Variants in CACNA2D1 observed in about 807,000 individuals in gnomAD.
CACNA2D1 encodes calcium voltage-gated channel auxiliary subunit alpha2delta 1.
A neutral mutation model predicts 171.5 loss-of-function variants in CACNA2D1; 53 were observed. The ratio of observed to expected loss-of-function variants is 0.31; its 90% CI spans 0.25 to 0.39. The LOEUF is 0.39. Ranked by LOEUF, CACNA2D1 falls within the 10% of genes least tolerant of loss-of-function variation. The pLI, the probability that CACNA2D1 is intolerant of heterozygous loss-of-function variation, is 1.00. For missense variants in CACNA2D1, 903 were observed against 1,299.8 expected, an observed-to-expected ratio of 0.69 and a Z score of 4.69; for synonymous variants, 442 against 443.1, an observed-to-expected ratio of 1.00 and a Z score of 0.03.
chr7:81,994,999 A>G (rs1797893448), intron 19 of CACNA2D1, 60 bp from the exon 20 acceptor site: 3 of 820,762 alleles, frequency 3.7e-6, no homozygotes, highest in Non-Finnish European at 6.5e-6. Context: ...CCAAAATATG[A>G]CTATTAACAT....
intron 1 of CACNA2D1, among the ~76,000 whole-genome samples, chr7:82,371,558 C>T (rs1191897158): frequency 1.3e-5 from 2 of 152,064 alleles, no homozygotes; most frequent in South Asian, 4.1e-4. Flanking sequence ...TGCTAATCTA[C>T]AGCCCTAATT....
intron 3 of CACNA2D1, among the ~76,000 whole-genome samples, chr7:82,208,231 A>C (rs1800206787): frequency 6.6e-6 from 1 of 152,282 alleles, no homozygotes; most frequent in African/African-American, 2.4e-5. Flanking sequence ...GCATTATATA[A>C]GTGTATGTAT....
At chr7:82,273,866 C>A (rs1315626098) in intron 3 of CACNA2D1, among the ~76,000 whole-genome samples, 1 of 152,088 alleles carries the variant, frequency 6.6e-6, no homozygotes, top group African/African-American at 2.4e-5. Context: ...AATATTTATA[C>A]CTGGGTGTAG....
intron 6 of CACNA2D1, among the ~76,000 whole-genome samples, chr7:82,094,396 TATAC>T (rs1235457721): frequency 6.6e-6 from 1 of 152,288 alleles, no homozygotes; most frequent in African/African-American, 2.4e-5. Flanking sequence ...ATTGTCCACA[TATAC>T]ATGTATGCAT....
At chr7:82,194,270 G>T in intron 3 of CACNA2D1, among the ~76,000 whole-genome samples, 1 of 151,930 alleles carries the variant, frequency 6.6e-6, no homozygotes, top group East Asian at 1.9e-4. Context: ...AAGAGCTCCG[G>T]TGACTGTCTC....
intron 2 of CACNA2D1, 129 bp from the exon 3 acceptor site, chr7:82,335,380 T>C: frequency 1.5e-6 from 1 of 686,750 alleles, no homozygotes; most frequent in South Asian, 1.6e-5. Flanking sequence ...TCTTGATCTT[T>C]TTGGAGTTTG....
intron 7 of CACNA2D1, among the ~76,000 whole-genome samples, chr7:82,074,304 G>A (rs1808691716): frequency 1.3e-5 from 2 of 152,094 alleles, no homozygotes; most frequent in Non-Finnish European, 2.9e-5. Context: ...TAGGCTCACT[G>A]CAACCTTTTC....
At chr7:82,040,793 G>GGA (rs1803863693) in intron 10 of CACNA2D1, among the ~76,000 whole-genome samples, 1 of 152,054 alleles carries the variant, frequency 6.6e-6, no homozygotes, top group African/African-American at 2.4e-5. Flanking sequence ...TGACCAACAT[G>GGA]GAGAAACCCC....
intron 1 of CACNA2D1, among the ~76,000 whole-genome samples, chr7:82,434,940 G>C (rs1829994930): frequency 6.7e-6 from 1 of 150,096 alleles, no homozygotes; most frequent in African/African-American, 2.5e-5. Flanking sequence ...GTAGATTATA[G>C]ATAAATATGA....
At chr7:82,357,730 A>T (rs527474305) in intron 1 of CACNA2D1, among the ~76,000 whole-genome samples, 1 of 139,888 alleles carries the variant, frequency 7.1e-6, no homozygotes, top group South Asian at 2.4e-4. Context: ...GGGTGGGGGG[A>T]GGGATAGCAT....
chr7:82,343,539 G>A (rs1208697311), intron 2 of CACNA2D1, among the ~76,000 whole-genome samples: 3 of 152,046 alleles, frequency 2.0e-5, no homozygotes, highest in Admixed American at 6.6e-5. Flanking sequence ...TAGGATAAAC[G>A]CATTTGACAC....
intron 32 of CACNA2D1, among the ~76,000 whole-genome samples, 161 bp downstream of exon 32, chr7:81,965,433 G>C (rs1359165017): frequency 3.3e-5 from 5 of 151,846 alleles, no homozygotes; most frequent in African/African-American, 1.2e-4. Flanking sequence ...GACTTAGCAT[G>C]CATTTCTTAA....
chr7:82,122,988 G>A lies in CACNA2D1; in HGVS notation c.397-5815C>T, dbSNP rs148262711. 3.9e-3 allele frequency among the ~76,000 whole-genome samples: 598 copies of A among 152,208 alleles called. 5 individuals carry two copies. Among genetic ancestry groups the A allele is most frequent in the African/African-American group, 0.013 (527 of 41,540 alleles). On this transcript the variant is annotated intron_variant, in intron 5 of 38. Transcript: ENST00000356860. ...AGACTGGCTAAAGTCATACAACTAA[G>A]ATCTAATTTAAGAGATCACACAGTA...
chr7:82,306,003 T>C (rs1441783256), intron 3 of CACNA2D1, among the ~76,000 whole-genome samples: 1 of 152,206 alleles, frequency 6.6e-6, no homozygotes, highest in East Asian at 1.9e-4. Context: ...AAATTTAAGA[T>C]TAATGAGAGA....
chr7:82,232,367 T>G (rs902772588), intron 3 of CACNA2D1, among the ~76,000 whole-genome samples: 5 of 152,174 alleles, frequency 3.3e-5, no homozygotes, highest in Admixed American at 6.5e-5. Flanking sequence ...CGCCTTTTTG[T>G]ACTGCTGGCA....
chr7:82,082,378 C>T (rs1809907513), intron 7 of CACNA2D1, among the ~76,000 whole-genome samples: 1 of 152,096 alleles, frequency 6.6e-6, no homozygotes, highest in African/African-American at 2.4e-5. Flanking sequence ...ATGTATGGGT[C>T]ATCCCTCTAC....
chr7:81,996,492 G>A (rs1798059466), intron 19 of CACNA2D1, among the ~76,000 whole-genome samples: 1 of 151,910 alleles, frequency 6.6e-6, no homozygotes, highest in Non-Finnish European at 1.5e-5. Flanking sequence ...CAAGAGCCAA[G>A]TTCTGCTACT....
chr7:82,384,120 T>A (rs1585744168), intron 1 of CACNA2D1, among the ~76,000 whole-genome samples: 1 of 152,312 alleles, frequency 6.6e-6, no homozygotes, highest in East Asian at 1.9e-4. Context: ...TCACATTTCA[T>A]CTGACTAAAA....
intron 1 of CACNA2D1, among the ~76,000 whole-genome samples, chr7:82,430,041 G>C (rs1829539876): frequency 6.6e-6 from 1 of 152,132 alleles, no homozygotes; most frequent in African/African-American, 2.4e-5. Context: ...CAAAGACAGG[G>C]TGGTATTTTT....
Sources: allele counts gnomAD v4.1 joint callset (sites outside exome capture counted in the v4.1 genomes callset), GRCh38; gene constraint gnomAD v4.1.1; transcripts MANE v1.5; gene names NCBI Gene and HGNC (gene_info 2026-07-23, HGNC 2026-07-21).